FARS2: variants seen among roughly 807,000 people sequenced by gnomAD.
The protein encoded by FARS2 is phenylalanyl-tRNA synthetase 2, mitochondrial.
In FARS2, 40 loss-of-function variants were observed where a neutral mutation model predicts 46.4. The observed-to-expected ratio is 0.86, with a 90% CI of 0.67 to 1.12. The LOEUF (loss-of-function observed/expected upper bound fraction) is 1.12, where lower values mean the gene tolerates loss of function less well. Among genes scored for constraint, FARS2 ranks in the 50% most tolerant of loss-of-function variants. The pLI is 0.00. For missense variants in FARS2, 513 were observed against 567.9 expected, an observed-to-expected ratio of 0.90 and a Z score of 0.98; for synonymous variants, 234 against 214.9, an observed-to-expected ratio of 1.09 and a Z score of -0.78.
chr6:5,544,254 A>G (rs1770820957), intron 4 of FARS2, among the ~76,000 whole-genome samples: 2 of 152,198 alleles, frequency 1.3e-5, no homozygotes, highest in Non-Finnish European at 2.9e-5. Flanking sequence ...AGTCCTAGAT[A>G]AAAAGTAAAG....
In FARS2 at chr6:5,341,566, TG is replaced by T. The variant is rs565985483; in HGVS notation, c.-21-26982del. On this transcript the variant is annotated intron_variant, in intron 1 of 6. Transcript: ENST00000274680. Reference sequence around the variant, plus strand: ...CAGAGTCTCGCTCTGTTGCCCAGGCTGGAGTGCAGTGGCGTGATCTTGGCTC... The same window carrying T: ...CAGAGTCTCGCTCTGTTGCCCAGGCTGAGTGCAGTGGCGTGATCTTGGCTC... Among the ~76,000 whole-genome samples, 853 of 152,132 alleles carry T rather than the reference TG, an allele frequency of 5.6e-3. 4 individuals carry two copies. Among genetic ancestry groups the T allele is most frequent in the Middle Eastern group, 0.014 (4 of 294 alleles).
At chr6:5,515,322 C>A (rs1235002828) in intron 4 of FARS2, among the ~76,000 whole-genome samples, 1 of 152,160 alleles carries the variant, frequency 6.6e-6, no homozygotes, top group African/African-American at 2.4e-5. Context: ...AACGAAAACT[C>A]TAGGTCCTAG....
intron 1 of FARS2, among the ~76,000 whole-genome samples, chr6:5,321,087 A>T (rs558860186): frequency 2.0e-5 from 3 of 152,292 alleles, no homozygotes; most frequent in South Asian, 2.1e-4. Flanking sequence ...AAAGGATCTG[A>T]CCTTCTCTTA....
chr6:5,369,105 A>G lies in FARS2; in HGVS notation c.535A>G (p.Arg179Gly). ...DAFLVVGDVY[R>G]RDQIDSQHYP... The stretch of plus-strand genomic sequence containing the variant: ...CTTCCTGGTGGTGGGTGATGTCTAC[A>G]GGCGTGACCAGATCGACTCCCAGCA... The change falls in exon 2 of 7, where the codon AGG becomes GGG. Residue 179 changes from arginine (R) to glycine (G), a missense_variant. Arg to Gly is a moderately radical substitution (Grantham distance 125, BLOSUM62 -2). Transcript: ENST00000274680. 1 of 1,613,702 alleles carries G rather than the reference A, an allele frequency of 6.2e-7. No homozygotes were observed. The highest frequency in any genetic ancestry group is 1.3e-5 in the African/African-American group (1 of 75,012).
At chr6:5,560,384 G>T (rs1006718648) in intron 5 of FARS2, among the ~76,000 whole-genome samples, 1 of 152,026 alleles carries the variant, frequency 6.6e-6, no homozygotes, top group African/African-American at 2.4e-5. Flanking sequence ...TTTTTTGAAT[G>T]TTAAACCAAT....
In FARS2 at chr6:5,696,834, G is replaced by C. The variant is rs2150876058; in HGVS notation, c.1218-74457G>C. Among the ~76,000 whole-genome samples the C allele has an allele frequency of 1.3e-5, 2 of 152,080 alleles. 1 individual carries two copies. Among genetic ancestry groups the C allele is most frequent in the Admixed American group, 1.3e-4 (2 of 15,280 alleles). The stretch of plus-strand genomic sequence containing the variant: ...ATGTGGAAGACATTCATTTATTAGG[G>C]CCCTGTTTGCAAGAAGCAGCATAAG... On this transcript the variant is annotated intron_variant, in intron 6 of 6. Transcript: ENST00000274680.
chr6:5,264,645 G>T (rs1331499394), intron 1 of FARS2, among the ~76,000 whole-genome samples: 2 of 152,044 alleles, frequency 1.3e-5, no homozygotes, highest in African/African-American at 4.8e-5. Context: ...GACCTCAGGT[G>T]ATCCAGCTGC....
intron 4 of FARS2, among the ~76,000 whole-genome samples, chr6:5,449,688 A>G (rs1464166491): frequency 6.6e-6 from 1 of 151,990 alleles, no homozygotes; most frequent in Non-Finnish European, 1.5e-5. Flanking sequence ...TAGGTTTTGG[A>G]TTTTGTGTGT....
chr6:5,685,639 A>G (rs571483056), intron 6 of FARS2, among the ~76,000 whole-genome samples: 1 of 152,250 alleles, frequency 6.6e-6, no homozygotes, highest in Non-Finnish European at 1.5e-5. Flanking sequence ...TTTAAATTCT[A>G]CCTGGAGTAG....
intron 1 of FARS2, among the ~76,000 whole-genome samples, chr6:5,364,708 G>A (rs1273691711): frequency 4.6e-5 from 7 of 152,170 alleles, no homozygotes; most frequent in Admixed American, 3.3e-4. Context: ...AGAAATGGCT[G>A]TTGCTGTGTT....
intron 2 of FARS2, among the ~76,000 whole-genome samples, chr6:5,389,126 T>G (rs1760323846): frequency 6.6e-6 from 1 of 151,904 alleles, no homozygotes; most frequent in Non-Finnish European, 1.5e-5. Context: ...TCCTTTCTAA[T>G]AGAATCATAC....
chr6:5,254,954 C>A, the FARS2 span, among the ~76,000 whole-genome samples: 3,008 of 152,192 alleles, frequency 0.02, 89 homozygotes, highest in African/African-American at 0.067. Flanking sequence ...CATGTCTCAA[C>A]CCCCACAATC....
chr6:5,696,953 A>C (rs1395647178), intron 6 of FARS2, among the ~76,000 whole-genome samples: 2 of 152,238 alleles, frequency 1.3e-5, no homozygotes, highest in Non-Finnish European at 2.9e-5. Context: ...AAGTTTTAGC[A>C]AAACCAGCTA....
At chr6:5,294,844 G>A (rs1767746572) in intron 1 of FARS2, among the ~76,000 whole-genome samples, 1 of 152,070 alleles carries the variant, frequency 6.6e-6, no homozygotes, top group South Asian at 2.1e-4. Flanking sequence ...TTCCCCTTGG[G>A]TTTTTACGGA....
chr6:5,344,505 G>T (rs2127596391), intron 1 of FARS2, among the ~76,000 whole-genome samples: 1 of 152,268 alleles, frequency 6.6e-6, no homozygotes, highest in South Asian at 2.1e-4. Flanking sequence ...AGTCTATACT[G>T]ACCTTGAGTG....
chr6:5,344,279 C>T (rs1021256931), intron 1 of FARS2, among the ~76,000 whole-genome samples: 1 of 152,168 alleles, frequency 6.6e-6, no homozygotes, highest in African/African-American at 2.4e-5. Context: ...GAATAGGTTC[C>T]TGGAGACGGA....
At chr6:5,725,134 A>G (rs74413352) in intron 6 of FARS2, among the ~76,000 whole-genome samples, 6,991 of 152,322 alleles carry the variant, frequency 0.046, 531 homozygotes, top group African/African-American at 0.16. Context: ...AAATCTCTGG[A>G]TGATGCGGAG....
At position 5,505,727 on chromosome 6, in the gene FARS2, C is replaced by T. The variant is rs2472869; in HGVS notation, c.905-39453C>T. ...GAGAGCATTGAACAATCATGTTTCT[C>T]AACTTTGCACTTGAGGAGCAGAGGT... On this transcript the variant is annotated intron_variant, in intron 4 of 6. Coordinates refer to ENST00000274680, the MANE Select transcript of FARS2 (RefSeq NM_006567.5). 3.0e-3 allele frequency among the ~76,000 whole-genome samples: 452 copies of T among 152,166 alleles called. 12 individuals carry two copies. The highest frequency in any genetic ancestry group is 0.026 in the Admixed American group (399 of 15,278).
chr6:5,383,574 G>T lies in FARS2; in HGVS notation c.612+14392G>T, dbSNP rs1379856772. On this transcript the variant is annotated intron_variant, in intron 2 of 6. Coordinates refer to ENST00000274680, the MANE Select transcript of FARS2 (RefSeq NM_006567.5). Reference sequence around the variant, plus strand: ...CTAAAATGAGGACAACTCTTGAGTGGTGGTGAATGAGCCTGCCACGCTCCT... The same window carrying T: ...CTAAAATGAGGACAACTCTTGAGTGTTGGTGAATGAGCCTGCCACGCTCCT... Among the ~76,000 whole-genome samples the T allele has an allele frequency of 2.6e-5, 4 of 152,164 alleles. No homozygotes were observed. The East Asian group carries it at 7.7e-4, about 29-fold the overall frequency.
Sources: allele counts gnomAD v4.1 joint callset (sites outside exome capture counted in the v4.1 genomes callset), GRCh38; gene constraint gnomAD v4.1.1; transcripts MANE v1.5; gene names NCBI Gene and HGNC (gene_info 2026-07-23, HGNC 2026-07-21).